The following VIPR2 variants were observed in gnomAD, a reference collection of about 807,000 sequenced individuals.
VIPR2 encodes vasoactive intestinal peptide receptor 2.
VIPR2 carries 48 observed loss-of-function variants against 58.0 expected under a neutral mutation model. That is an observed-to-expected ratio of 0.83 (90% CI 0.66 to 1.05). The LOEUF is 1.05. Ranked by LOEUF, VIPR2 falls within the 50% of genes least tolerant of loss-of-function variation. VIPR2 has a pLI of 0.00. For synonymous variants in VIPR2, 243 were observed against 235.2 expected (o/e 1.03, Z -0.30); for missense variants, 534 against 558.0 (o/e 0.96, Z 0.43).
chr7:159,062,256 G>C (rs1045119419), intron 4 of VIPR2, among the ~76,000 whole-genome samples: 7 of 152,214 alleles, frequency 4.6e-5, no homozygotes, highest in African/African-American at 1.7e-4. Flanking sequence ...AGGTGAGAGA[G>C]CAGCGCCAGC....
intron 8 of VIPR2, 95 bp downstream of exon 8, chr7:159,035,857 C>G: frequency 6.6e-7 from 1 of 1,524,196 alleles, no homozygotes; most frequent in Non-Finnish European, 8.9e-7. Flanking sequence ...GCTCCCTGTC[C>G]TTCCAACCAG....
intron 4 of VIPR2, among the ~76,000 whole-genome samples, chr7:159,074,336 G>T (rs1856542301): frequency 6.6e-6 from 1 of 152,228 alleles, no homozygotes; most frequent in Non-Finnish European, 1.5e-5. Context: ...ACCCATTTCT[G>T]TGTGAAAGAC....
chr7:159,058,530 C>G lies in VIPR2; in HGVS notation c.406G>C (p.Val136Leu). Residue 136 changes from valine (V) to leucine (L), a missense_variant, in exon 5 of 13, where the codon GTC becomes CTC. Val to Leu is a conservative substitution (Grantham distance 32). Coordinates refer to ENST00000262178, the MANE Select transcript of VIPR2 (RefSeq NM_003382.5). Reference protein sequence around the residue: ...VKAIYTLGYSVSLMSLATGSI... With the variant: ...VKAIYTLGYSLSLMSLATGSI... ...CCTGTTGCAAGAGACATCAGAGAGACACTGTAGCCCAGTGTATAAATGGCC... is the reference window on the plus strand; with the variant it reads ...CCTGTTGCAAGAGACATCAGAGAGAGACTGTAGCCCAGTGTATAAATGGCC... 6.2e-7 allele frequency: 1 copy of G among 1,613,664 alleles called. No homozygotes were observed. The highest frequency in any genetic ancestry group is 8.5e-7 in the Non-Finnish European group (1 of 1,179,620).
intron 2 of VIPR2, among the ~76,000 whole-genome samples, chr7:159,134,650 C>T (rs1370687896): frequency 2.0e-5 from 3 of 151,418 alleles, no homozygotes; most frequent in Non-Finnish European, 4.4e-5. Flanking sequence ...ATTAATAGTG[C>T]AATATTTTCT....
chr7:159,065,871 G>A (rs977786809), intron 4 of VIPR2, among the ~76,000 whole-genome samples: 5 of 152,204 alleles, frequency 3.3e-5, no homozygotes, highest in Admixed American at 6.5e-5. Flanking sequence ...CACACATTGC[G>A]TTTAGGGAAT....
At chr7:159,061,429 T>C (rs1268852025) in intron 4 of VIPR2, among the ~76,000 whole-genome samples, 2 of 151,304 alleles carry the variant, frequency 1.3e-5, no homozygotes, top group African/African-American at 2.4e-5. Flanking sequence ...GGAGGACTGC[T>C]TGCTCCCAGG....
intron 2 of VIPR2, among the ~76,000 whole-genome samples, chr7:159,114,770 G>A (rs1304859308): frequency 1.5e-5 from 2 of 134,930 alleles, no homozygotes; most frequent in African/African-American, 5.6e-5. Flanking sequence ...GTGAGGCCCT[G>A]TCTCAAAGAA....
chr7:159,135,172 G>A (rs1041989451), intron 2 of VIPR2, among the ~76,000 whole-genome samples: 45 of 151,806 alleles, frequency 3.0e-4, no homozygotes, highest in Non-Finnish European at 5.6e-4. Flanking sequence ...ACAGGGGCTC[G>A]CGCCTGTAAT....
chr7:159,074,606 C>T (rs1001473761), intron 4 of VIPR2, among the ~76,000 whole-genome samples: 1 of 152,148 alleles, frequency 6.6e-6, no homozygotes, highest in Non-Finnish European at 1.5e-5. Context: ...CATAAGTCAC[C>T]CAGCCTATGA....
intron 6 of VIPR2, among the ~76,000 whole-genome samples, chr7:159,039,990 G>A (rs527682994): frequency 2.2e-4 from 33 of 152,312 alleles, no homozygotes; most frequent in African/African-American, 7.5e-4. Flanking sequence ...GTGGGGCCCT[G>A]GCACATTCTG....
chr7:159,124,221 C>T (rs1396848143), intron 2 of VIPR2, among the ~76,000 whole-genome samples: 2 of 152,124 alleles, frequency 1.3e-5, no homozygotes, highest in African/African-American at 2.4e-5. Context: ...AATCTTTTTC[C>T]ATTCCTGTGT....
At chr7:159,067,025 A>G (rs144176511) in intron 4 of VIPR2, among the ~76,000 whole-genome samples, 1 of 152,318 alleles carries the variant, frequency 6.6e-6, no homozygotes, top group East Asian at 1.9e-4. Context: ...CTGAGATCGA[A>G]GTTAATTAAA....
In VIPR2 at chr7:159,029,160, G is replaced by A. The variant is rs1853398079; in HGVS notation, c.*1456C>T. On this transcript the variant is annotated 3_prime_UTR_variant, in exon 13 of 13. Transcript: ENST00000262178. ...CGACCTTTGACATCGCGCCCCAGCTGGGGTCTGTGATGCCACCAATGCACA... is the reference window on the plus strand; with the variant it reads ...CGACCTTTGACATCGCGCCCCAGCTAGGGTCTGTGATGCCACCAATGCACA... The A allele has an allele frequency of 6.6e-6, 1 of 152,256 alleles. No homozygotes were observed. Among genetic ancestry groups the A allele is most frequent in the Non-Finnish European group, 1.5e-5 (1 of 68,074 alleles). 9.4% of individuals were successfully genotyped at this position (152,256 alleles called of 1,614,324 possible).
In VIPR2 at chr7:159,144,319, G is replaced by A. The variant is rs775085903; in HGVS notation, c.51+402C>T. The A allele has an allele frequency of 4.6e-6, 7 of 1,519,920 alleles. No individual in the cohort carries two copies. The Admixed American group carries it at 6.2e-5, about 13-fold the overall frequency. The allele number at this position is 1,519,920 out of a possible 1,614,324, so 94.2% of individuals were successfully genotyped here. A position where few individuals can be genotyped will look rare whatever the true frequency, so the allele number is the denominator to read the frequency against. On this transcript the variant is annotated intron_variant, in intron 1 of 12. Transcript: ENST00000262178. ...TAACCAGTAAGTACAGGGAGGGACC[G>A]AGAGGCATCTGCGGCCAACGCCAAC...
intron 2 of VIPR2, among the ~76,000 whole-genome samples, chr7:159,136,215 G>A (rs2129497914): frequency 6.6e-6 from 1 of 152,290 alleles, no homozygotes; most frequent in Non-Finnish European, 1.5e-5. Context: ...TTCCCAGGTG[G>A]CACAGGCCAT....
intron 4 of VIPR2, among the ~76,000 whole-genome samples, chr7:159,065,676 G>A (rs531072400): frequency 1.3e-5 from 2 of 152,294 alleles, no homozygotes; most frequent in South Asian, 2.1e-4. Flanking sequence ...TCAACACTAA[G>A]GTTTTAGAAC....
At chr7:159,036,280 C>T (rs537345127) in intron 7 of VIPR2, among the ~76,000 whole-genome samples, 2 of 152,252 alleles carry the variant, frequency 1.3e-5, no homozygotes, top group African/African-American at 2.4e-5. Context: ...TGGAGTTGAA[C>T]GTGCGGAGAA....
At position 159,035,969 on chromosome 7, in the gene VIPR2, G is replaced by C. The variant is rs577007711; in HGVS notation, c.792C>G (p.Leu264=). Residue 264 remains leucine, a synonymous_variant, in exon 8 of 13, where the codon CTC becomes CTG. Coordinates refer to ENST00000262178, the MANE Select transcript of VIPR2 (RefSeq NM_003382.5). ...VCIGAWTAAR[L]YLEDTGCWDT... ...GGACTCACCCGGTGTCTTCTAAGTA[G>C]AGCCTGGCCGCAGTCCATGCACCGA... is the stretch of plus-strand genomic sequence containing the variant. The C allele has an allele frequency of 2.9e-5, 46 of 1,613,788 alleles. No individual in the cohort carries two copies. In the Admixed American group the frequency reaches 4.7e-4, roughly 16 times the overall value.
At chr7:159,123,555 C>A (rs1796547710) in intron 2 of VIPR2, among the ~76,000 whole-genome samples, 1 of 152,096 alleles carries the variant, frequency 6.6e-6, no homozygotes, top group Admixed American at 6.5e-5. Flanking sequence ...CAGTCTGTTA[C>A]TGATAGGCAT....
Sources: gnomAD v4.1 joint callset for allele counts (sites outside exome capture counted in the v4.1 genomes callset) on GRCh38, gnomAD v4.1.1 for gene constraint, MANE v1.5 for transcripts, NCBI Gene and HGNC (gene_info 2026-07-23, HGNC 2026-07-21) for gene names.